Variants in SHISA6 observed in about 807,000 individuals in gnomAD.
SHISA6 encodes protein shisa-6.
In SHISA6, 22 loss-of-function variants were observed where a neutral mutation model predicts 47.9. The observed-to-expected ratio is 0.46, with a 90% confidence interval of 0.33 to 0.66. SHISA6 has a LOEUF of 0.66. SHISA6 is among the 30% of genes least tolerant of loss of function. The pLI is 0.02. For missense variants in SHISA6, 680 were observed against 764.6 expected (o/e 0.89, Z 1.30); for synonymous variants, 388 against 337.8 (o/e 1.15, Z -1.63).
intron 2 of SHISA6, among the ~76,000 whole-genome samples, chr17:11,310,088 A>G (rs1265039178): frequency 1.3e-5 from 2 of 152,116 alleles, no homozygotes; most frequent in East Asian, 1.9e-4. Flanking sequence ...CTGGCTAGCC[A>G]TGTGTGTTAG....
intron 3 of SHISA6, among the ~76,000 whole-genome samples, chr17:11,454,763 A>G (rs1488695544): frequency 6.6e-6 from 1 of 152,144 alleles, no homozygotes; most frequent in Non-Finnish European, 1.5e-5. Flanking sequence ...TTGTTCACTC[A>G]TTTGTTATCT....
At chr17:11,439,436 G>A (rs1167538965) in intron 3 of SHISA6, among the ~76,000 whole-genome samples, 1 of 152,170 alleles carries the variant, frequency 6.6e-6, no homozygotes, top group Middle Eastern at 3.2e-3. Flanking sequence ...GCATGCAGCA[G>A]TGAAGAGTCA....
intron 1 of SHISA6, among the ~76,000 whole-genome samples, chr17:11,261,061 A>G (rs999870982): frequency 2.0e-5 from 3 of 151,614 alleles, no homozygotes; most frequent in South Asian, 4.2e-4. Context: ...AATAATATTT[A>G]TTGAGCACCC....
intron 3 of SHISA6, among the ~76,000 whole-genome samples, chr17:11,522,269 T>G (rs2071636575): frequency 6.6e-6 from 1 of 151,470 alleles, no homozygotes; most frequent in East Asian, 2.0e-4. Flanking sequence ...CTGGCCCTAT[T>G]ATTATTATTA....
chr17:11,562,944 CAT>C lies in SHISA6; in HGVS notation c.*4641_*4642del, dbSNP rs2072059045. The C allele has an allele frequency of 6.6e-6, 1 of 152,282 alleles. No homozygotes were observed. The highest frequency in any genetic ancestry group is 6.5e-5 in the Admixed American group (1 of 15,288). 9.4% of individuals were successfully genotyped at this position (152,282 alleles called of 1,614,324 possible). Reference sequence around the variant, plus strand: ...CGTACCTGAAGTTTAAGGGCCTAACCATTCAATAGGTCACCAACTGTGTGCCA... The same window carrying C: ...CGTACCTGAAGTTTAAGGGCCTAACCTCAATAGGTCACCAACTGTGTGCCA... On this transcript the variant is annotated 3_prime_UTR_variant, in exon 6 of 6. Coordinates refer to ENST00000441885, the MANE Select transcript of SHISA6 (RefSeq NM_207386.4).
chr17:11,284,668 A>G (rs1909234491), intron 2 of SHISA6, among the ~76,000 whole-genome samples: 1 of 152,194 alleles, frequency 6.6e-6, no homozygotes, highest in South Asian at 2.1e-4. Context: ...CATTTGAACA[A>G]AGTTCTCTAT....
intron 1 of SHISA6, among the ~76,000 whole-genome samples, chr17:11,253,902 C>T (rs1907913355): frequency 1.3e-5 from 2 of 152,074 alleles, no homozygotes; most frequent in Admixed American, 1.3e-4. Flanking sequence ...CTTTGGAAAA[C>T]TTGTCCGGAC....
chr17:11,274,327 G>T (rs998494318), intron 2 of SHISA6, among the ~76,000 whole-genome samples: 2 of 152,188 alleles, frequency 1.3e-5, no homozygotes, highest in African/African-American at 4.8e-5. Context: ...ATGAGGTGCC[G>T]GTCAGAGGGA....
At chr17:11,439,697 T>C (rs1513749) in intron 3 of SHISA6, among the ~76,000 whole-genome samples, 103,735 of 152,054 alleles carry the variant, frequency 0.68, 36,376 homozygotes, top group African/African-American at 0.83. Flanking sequence ...TTAGTAGAAC[T>C]TGAGAAACAT....
chr17:11,363,489 T>C (rs1027941274), intron 2 of SHISA6, among the ~76,000 whole-genome samples: 4 of 152,322 alleles, frequency 2.6e-5, no homozygotes, highest in African/African-American at 7.2e-5. Context: ...TAAATATTGG[T>C]GGTTTCTAAT....
chr17:11,378,514 G>T (rs1356681597), intron 2 of SHISA6, among the ~76,000 whole-genome samples: 1 of 152,174 alleles, frequency 6.6e-6, no homozygotes, highest in Admixed American at 6.6e-5. Context: ...GAAAGAAATG[G>T]TTTTTTCACA....
chr17:11,327,921 GTCTC>G (rs111745061), intron 2 of SHISA6, among the ~76,000 whole-genome samples: 1,797 of 149,778 alleles, frequency 0.012, 35 homozygotes, highest in African/African-American at 0.042. Flanking sequence ...CTCTCTCTCT[GTCTC>G]TCTCTCTCTC....
chr17:11,495,743 G>A (rs768064318), intron 3 of SHISA6, among the ~76,000 whole-genome samples: 10 of 151,892 alleles, frequency 6.6e-5, no homozygotes, highest in African/African-American at 1.9e-4. Context: ...CTAAGTGGGC[G>A]TGCTAGCTCA....
At chr17:11,395,697 T>C (rs550319350) in intron 3 of SHISA6, among the ~76,000 whole-genome samples, 37 of 151,884 alleles carry the variant, frequency 2.4e-4, no homozygotes, top group Non-Finnish European at 4.9e-4. Context: ...TTTGTATTTA[T>C]AGTAGAGACA....
chr17:11,496,892 A>G (rs954187467), intron 3 of SHISA6, among the ~76,000 whole-genome samples: 5 of 152,350 alleles, frequency 3.3e-5, no homozygotes, highest in African/African-American at 7.2e-5. Context: ...GTGGGAATGC[A>G]GATCCTATGT....
chr17:11,376,895 C>A (rs551272281), intron 2 of SHISA6, among the ~76,000 whole-genome samples: 3 of 152,158 alleles, frequency 2.0e-5, no homozygotes, highest in African/African-American at 7.2e-5. Flanking sequence ...CGGGACCCTG[C>A]GATCTGTGCC....
chr17:11,379,465 T>C lies in SHISA6; in HGVS notation c.851T>C (p.Phe284Ser). The C allele has an allele frequency of 6.5e-7, 1 of 1,542,630 alleles. No homozygotes were observed. Among genetic ancestry groups the C allele is most frequent in the Non-Finnish European group, 8.7e-7 (1 of 1,143,136 alleles). Residue 284 changes from phenylalanine (F) to serine (S), a missense_variant, in exon 3 of 6, where the codon TTC (phenylalanine) becomes TCC (serine). Around this residue, in one of 2 missense-constraint regions of SHISA6, gnomAD observed 559 missense variants for 674.1 expected, o/e 0.83. Transcript: ENST00000441885. ...AGTGGAGGACCTGATCTCCATAACT[T>C]CATCTCATCTGGATTTGTCACATTA... is the stretch of plus-strand genomic sequence containing the variant. ...YRSGGPDLHN[F>S]ISSGFVTLGR...
chr17:11,294,185 G>T (rs537613118), intron 2 of SHISA6, among the ~76,000 whole-genome samples: 1 of 152,160 alleles, frequency 6.6e-6, no homozygotes, highest in South Asian at 2.1e-4. Context: ...TGCCCGGCTG[G>T]TGTTATTGTT....
At chr17:11,353,247 A>G (rs1482926434) in intron 2 of SHISA6, among the ~76,000 whole-genome samples, 2 of 152,158 alleles carry the variant, frequency 1.3e-5, no homozygotes, top group African/African-American at 4.8e-5. Flanking sequence ...TCACGAGGTC[A>G]GGAGTTCGAG....
Sources: gnomAD v4.1 joint callset for allele counts (sites outside exome capture counted in the v4.1 genomes callset) on GRCh38, gnomAD v4.1.1 for gene constraint, gnomAD v4.1.1 regional missense constraint, MANE v1.5 for transcripts, NCBI Gene and HGNC (gene_info 2026-07-23, HGNC 2026-07-21) for gene names.